Variants in CDKAL1 observed in about 807,000 individuals in gnomAD.
The protein encoded by CDKAL1 is CDKAL1 threonylcarbamoyladenosine tRNA methylthiotransferase.
In CDKAL1, 32 loss-of-function variants were observed where a neutral mutation model predicts 68.2. The ratio of observed to expected loss-of-function variants is 0.47; its 90% CI spans 0.35 to 0.63. The LOEUF is 0.63. Among genes scored for constraint, CDKAL1 ranks in the 30% least tolerant of loss-of-function variants. The pLI is 0.00. For synonymous variants in CDKAL1, 234 were observed against 244.3 expected (o/e 0.96, Z 0.39); for missense variants, 606 against 696.7 (o/e 0.87, Z 1.47).
At chr6:20,915,880 C>T (rs1762701551) in intron 9 of CDKAL1, among the ~76,000 whole-genome samples, 1 of 151,870 alleles carries the variant, frequency 6.6e-6, no homozygotes, top group Non-Finnish European at 1.5e-5. Context: ...TAAAAAGGAG[C>T]AGGTCTTGAT....
intron 13 of CDKAL1, among the ~76,000 whole-genome samples, chr6:21,130,077 G>A (rs1775223063): frequency 6.6e-6 from 1 of 151,504 alleles, no homozygotes; most frequent in Non-Finnish European, 1.5e-5. Context: ...GGTTTTGGGG[G>A]GTTTTTTGTC....
intron 4 of CDKAL1, among the ~76,000 whole-genome samples, chr6:20,600,750 A>G (rs1766046918): frequency 6.8e-6 from 1 of 146,070 alleles, no homozygotes; most frequent in Admixed American, 6.9e-5. Context: ...ACCTGGATGG[A>G]GAGAGAGATA....
intron 4 of CDKAL1, among the ~76,000 whole-genome samples, chr6:20,613,346 C>T (rs1281497909): frequency 2.9e-5 from 4 of 138,564 alleles, no homozygotes; most frequent in African/African-American, 8.0e-5. Flanking sequence ...GTGATCTCAG[C>T]TCACTGCAAC....
intron 13 of CDKAL1, among the ~76,000 whole-genome samples, chr6:21,179,968 C>T (rs953758080): frequency 1.3e-5 from 2 of 152,148 alleles, no homozygotes; most frequent in African/African-American, 4.8e-5. Context: ...CTGCAGTATG[C>T]TGAAATCATG....
rs4712514 is a variant in CDKAL1, at chr6:20,598,799, C to T, written c.286+50094C>T. Reference sequence around the variant, plus strand: ...TATTTTTCATATGCTTAAACATTGGCGTTTTTGCTTTTGTTCTATGGGGAT... The same window carrying T: ...TATTTTTCATATGCTTAAACATTGGTGTTTTTGCTTTTGTTCTATGGGGAT... On this transcript the variant is annotated intron_variant, in intron 4 of 15. Coordinates refer to ENST00000274695, the MANE Select transcript of CDKAL1 (RefSeq NM_017774.3). 6.9e-3 allele frequency among the ~76,000 whole-genome samples: 1,054 copies of T among 152,048 alleles called. 35 individuals are homozygous for T. Among genetic ancestry groups the T allele is most frequent in the Admixed American group, 0.053 (803 of 15,266 alleles).
At chr6:20,766,447 A>G (rs908575720) in intron 7 of CDKAL1, among the ~76,000 whole-genome samples, 3 of 152,210 alleles carry the variant, frequency 2.0e-5, no homozygotes, top group Non-Finnish European at 4.4e-5. Flanking sequence ...TGAACCTCAC[A>G]GGCTTCCCAT....
At chr6:20,852,125 T>C (rs773694634) in intron 9 of CDKAL1, among the ~76,000 whole-genome samples, 1 of 152,140 alleles carries the variant, frequency 6.6e-6, no homozygotes, top group Non-Finnish European at 1.5e-5. Flanking sequence ...CCAAAAAGGA[T>C]TTTAGGCAGC....
intron 8 of CDKAL1, among the ~76,000 whole-genome samples, chr6:20,829,488 G>T (rs537094542): frequency 6.6e-6 from 1 of 152,250 alleles, no homozygotes; most frequent in South Asian, 2.1e-4. Context: ...CTATTTACTT[G>T]CTTCCTCATA....
intron 11 of CDKAL1, among the ~76,000 whole-genome samples, chr6:21,032,754 A>C (rs928801534): frequency 3.3e-5 from 5 of 152,194 alleles, no homozygotes; most frequent in Non-Finnish European, 7.3e-5. Flanking sequence ...AGCCTGTACC[A>C]TATAGCCTAG....
At chr6:21,163,957 C>CA (rs1041534525) in intron 13 of CDKAL1, among the ~76,000 whole-genome samples, 83 of 150,568 alleles carry the variant, frequency 5.5e-4, no homozygotes, top group South Asian at 2.3e-3. Context: ...ATCTCAAAAA[C>CA]AAAAAAAGAA....
chr6:21,045,596 T>C (rs1057085756), intron 11 of CDKAL1, among the ~76,000 whole-genome samples: 1 of 152,214 alleles, frequency 6.6e-6, no homozygotes, highest in African/African-American at 2.4e-5. Context: ...AGATGTGTTA[T>C]CTGGTGAGGA....
chr6:20,781,015 C>A, intron 7 of CDKAL1, 130 bp from the exon 8 acceptor site: 1 of 859,220 alleles, frequency 1.2e-6, no homozygotes, highest in Non-Finnish European at 1.7e-6. Context: ...TTTAAATGAT[C>A]ACACTTCACT....
Position 21,145,917 on chromosome 6 carries a change from C to T in CDKAL1, c.1299+37454C>T, listed in dbSNP as rs561002629. 3.5e-4 allele frequency among the ~76,000 whole-genome samples: 54 copies of T among 152,312 alleles called. 1 individual carries two copies. The highest frequency in any genetic ancestry group is 1.2e-3 in the African/African-American group (51 of 41,568). ...CTGCCTCAAAAATAAAATAAAATTA[C>T]ATGGCTGGTTTATGGCTGATTCCAT... On this transcript the variant is annotated intron_variant, in intron 13 of 15. Coordinates refer to ENST00000274695, the MANE Select transcript of CDKAL1 (RefSeq NM_017774.3).
At chr6:21,168,136 C>T (rs1777226707) in intron 13 of CDKAL1, among the ~76,000 whole-genome samples, 1 of 152,186 alleles carries the variant, frequency 6.6e-6, no homozygotes, top group East Asian at 1.9e-4. Context: ...GCCGAAAATG[C>T]AGTTAAGTAG....
intron 4 of CDKAL1, among the ~76,000 whole-genome samples, chr6:20,634,743 C>A (rs1008683668): frequency 2.0e-5 from 3 of 151,686 alleles, no homozygotes; most frequent in Admixed American, 2.0e-4. Flanking sequence ...TTTGGGAGGA[C>A]GAGGCAGGAG....
intron 11 of CDKAL1, among the ~76,000 whole-genome samples, chr6:21,015,752 C>A (rs1045708301): frequency 6.6e-6 from 1 of 151,950 alleles, no homozygotes; most frequent in Non-Finnish European, 1.5e-5. Context: ...CGTGACAAAA[C>A]CACATCTCTA....
At chr6:20,939,287 T>C (rs1189083489) in intron 9 of CDKAL1, among the ~76,000 whole-genome samples, 4 of 152,172 alleles carry the variant, frequency 2.6e-5, no homozygotes, top group African/African-American at 9.6e-5. Flanking sequence ...TTTCTCTCCA[T>C]TGGTCACTGT....
intron 9 of CDKAL1, among the ~76,000 whole-genome samples, chr6:20,926,075 T>C (rs1763170726): frequency 6.6e-6 from 1 of 152,164 alleles, no homozygotes; most frequent in Non-Finnish European, 1.5e-5. Flanking sequence ...TTGCCTTTTA[T>C]TTAGTAAACA....
chr6:21,019,653 G>A (rs1050505880), intron 11 of CDKAL1, among the ~76,000 whole-genome samples: 31 of 152,210 alleles, frequency 2.0e-4, no homozygotes, highest in African/African-American at 7.5e-4. Flanking sequence ...CTGCTGTTGT[G>A]AATGATGACT....
Sources: gnomAD v4.1 joint callset for allele counts (sites outside exome capture counted in the v4.1 genomes callset) on GRCh38, gnomAD v4.1.1 for gene constraint, MANE v1.5 for transcripts, NCBI Gene and HGNC (gene_info 2026-07-23, HGNC 2026-07-21) for gene names.